Variants in PITRM1 observed in about 807,000 individuals in gnomAD.
PITRM1 encodes the protein presequence protease, mitochondrial.
PITRM1 carries 100 observed loss-of-function variants against 129.9 expected under a neutral mutation model. That is an observed-to-expected ratio of 0.77 (90% CI 0.65 to 0.91). The LOEUF is 0.91. PITRM1 is among the 40% of genes least tolerant of loss of function. PITRM1 has a pLI of 0.00. For synonymous variants in PITRM1, 591 were observed against 508.8 expected, an observed-to-expected ratio of 1.16 and a Z score of -2.17; for missense variants, 1,471 against 1,318.3, an observed-to-expected ratio of 1.12 and a Z score of -1.79.
chr10:3,159,319 G>A (rs1842245033), intron 9 of PITRM1, among the ~76,000 whole-genome samples: 1 of 152,222 alleles, frequency 6.6e-6, no homozygotes, highest in African/African-American at 2.4e-5. Context: ...CAGGCACTGT[G>A]GCAGCACCAT....
At chr10:3,163,933 C>A in intron 6 of PITRM1, 48 bp from the exon 7 acceptor site, 1 of 1,305,180 alleles carries the variant, frequency 7.7e-7, no homozygotes. Flanking sequence ...TAAAATAATA[C>A]ACACGTTACA....
Position 3,161,360 on chromosome 10 carries a change from T to A in PITRM1, c.792-1030A>T, listed in dbSNP as rs147083903. Among the ~76,000 whole-genome samples, 15 of 152,320 alleles carry A rather than the reference T, an allele frequency of 9.8e-5. No individual in the cohort carries two copies. The East Asian group carries it at 2.9e-3, about 29-fold the overall frequency. ...TCAAGGTTATACACGTTTATAAAGA[T>A]AACACATTTATTCAACCAGAGGAAA... On this transcript the variant is annotated intron_variant, in intron 7 of 26. Coordinates refer to ENST00000224949, the MANE Select transcript of PITRM1 (RefSeq NM_014889.4).
At chr10:3,162,339 G>A (rs1200019634) in intron 7 of PITRM1, among the ~76,000 whole-genome samples, 1 of 152,166 alleles carries the variant, frequency 6.6e-6, no homozygotes, top group Non-Finnish European at 1.5e-5. Flanking sequence ...CTTTGAAGAA[G>A]TCCAGCAAAC....
intron 4 of PITRM1, 115 bp downstream of exon 4, chr10:3,166,114 T>A (rs1779040309): frequency 2.3e-6 from 2 of 855,270 alleles, no homozygotes; most frequent in South Asian, 2.4e-5. Flanking sequence ...GAGGTAAAAA[T>A]TTTTCTAGAA....
At chr10:3,171,478 C>G (rs1312634316) in intron 1 of PITRM1, among the ~76,000 whole-genome samples, 1 of 152,146 alleles carries the variant, frequency 6.6e-6, no homozygotes, top group South Asian at 2.1e-4. Flanking sequence ...AGATCTCACT[C>G]TGTTGCCCAG....
At chr10:3,166,631 A>G (rs1842888875) in intron 3 of PITRM1, among the ~76,000 whole-genome samples, 1 of 152,220 alleles carries the variant, frequency 6.6e-6, no homozygotes, top group Non-Finnish European at 1.5e-5. Flanking sequence ...TAGTGAGATG[A>G]TATTTTAAAC....
At chr10:3,143,785 T>C (rs1475552803) in intron 22 of PITRM1, 2 of 651,122 alleles carry the variant, frequency 3.1e-6, no homozygotes, top group Admixed American at 2.1e-5. Context: ...ACTGTTCAAT[T>C]AAAAACATTT....
rs373184654 is a variant in PITRM1 at position 3,158,977 on chromosome 10, T to C, written c.1073A>G (p.Asn358Ser). 5.0e-5 allele frequency: 80 copies of C among 1,613,246 alleles called. No homozygotes were observed. In the Middle Eastern group the frequency reaches 6.6e-4, roughly 13 times the overall value. The change falls in exon 10 of 27, where the codon AAT (asparagine) becomes AGT (serine). Residue 358 changes from asparagine (N) to serine (S), a missense_variant. Transcript: ENST00000224949. The part of the protein sequence containing the change: ...LLSSLLTSGP[N>S]SPFYKALIES... ...AATCAAGGCTTTGTAAAAGGGAGAA[T>C]TGGGCCCAGAAGTCAAGAGTGAAGA...
At chr10:3,154,875 T>C (rs1323386673) in intron 14 of PITRM1, among the ~76,000 whole-genome samples, 2 of 152,120 alleles carry the variant, frequency 1.3e-5, no homozygotes, top group African/African-American at 4.8e-5. Flanking sequence ...CCGTCTCACT[T>C]TTCTTTTCAC....
At chr10:3,161,830 A>G (rs1842461583) in intron 7 of PITRM1, among the ~76,000 whole-genome samples, 1 of 146,150 alleles carries the variant, frequency 6.8e-6, no homozygotes, top group Admixed American at 7.0e-5. Context: ...GAGTGGTACT[A>G]AAAAACAAAA....
At position 3,169,994 on chromosome 10, in the gene PITRM1, A is replaced by G. The variant is rs202063456; in HGVS notation, c.159+110T>C. 5.0e-4 allele frequency: 355 copies of G among 708,676 alleles called. 4 individuals are homozygous for G. In the East Asian group the frequency reaches 8.2e-3, roughly 16 times the overall value. The allele number at this position is 708,676 out of a possible 1,614,324, so 43.9% of individuals were successfully genotyped here. A position where few individuals can be genotyped will look rare whatever the true frequency, so the allele number is the denominator to read the frequency against. ...GCAGGAGCTGGGCCAGGGCCTTGGG[A>G]CACAAGGACAAAAACGCTAGTCTCC... On this transcript the variant is annotated intron_variant, in intron 2 of 26. Transcript: ENST00000224949.
At chr10:3,147,362 G>A (rs184850618) in intron 19 of PITRM1, 112 bp from the exon 20 acceptor site, 25 of 986,248 alleles carry the variant, frequency 2.5e-5, no homozygotes, top group African/African-American at 9.6e-5. Flanking sequence ...TTATGTGTGC[G>A]AGTGCACGGC....
Position 3,147,615 on chromosome 10 carries a change from G to C in PITRM1, c.2192C>G (p.Thr731Arg), listed in dbSNP as rs79257157. 1 of 1,614,040 alleles carries C rather than the reference G, an allele frequency of 6.2e-7. No homozygotes were observed. The highest frequency in any genetic ancestry group is 8.5e-7 in the Non-Finnish European group (1 of 1,179,888). The change falls in exon 19 of 27, where the codon ACG becomes AGG. Residue 731 changes from threonine (T) to arginine (R), a missense_variant. Physicochemically the swap from Thr to Arg is moderately conservative, Grantham distance 71. Coordinates refer to ENST00000224949, the MANE Select transcript of PITRM1 (RefSeq NM_014889.4). ...GGTCTCCTGCAGGTCCCCTGCGGGC[G>C]TGAGGGTCCGGCCTGCCCTGATGGA... is the stretch of plus-strand genomic sequence containing the variant. ...YASIRAGRTL[T>R]PAGDLQETFS...
In PITRM1 at chr10:3,156,775, A is replaced by C. The variant is rs75360834; in HGVS notation, c.1482+155T>G. On this transcript the variant is annotated intron_variant, in intron 13 of 26. Coordinates refer to ENST00000224949, the MANE Select transcript of PITRM1 (RefSeq NM_014889.4). ...CAACTTGCATTACAATCTGGAAAAT[A>C]ATTAAGTTAATGTAAGCATTTAAAT... Among the ~76,000 whole-genome samples, 1,191 of 152,370 alleles carry C rather than the reference A, an allele frequency of 7.8e-3. 13 individuals carry two copies. Among genetic ancestry groups the C allele is most frequent in the Non-Finnish European group, 0.013 (915 of 68,036 alleles).
At chr10:3,157,923 A>G (rs1588688783) in intron 11 of PITRM1, 117 bp downstream of exon 11, 2 of 709,732 alleles carry the variant, frequency 2.8e-6, no homozygotes, top group African/African-American at 3.5e-5. Flanking sequence ...AATATGAACA[A>G]AAGCATGTTA....
chr10:3,166,460 G>T, intron 3 of PITRM1, 80 bp from the exon 4 acceptor site: 2 of 751,422 alleles, frequency 2.7e-6, no homozygotes, highest in Non-Finnish European at 2.1e-6. Context: ...CATCACCTCA[G>T]GCTACTAGAA....
At position 3,144,421 on chromosome 10, in the gene PITRM1, T is replaced by C. The variant is rs891874034; in HGVS notation, c.2458-55A>G. ...AAAAATCCAGAACTCACTTGAAATA[T>C]ATAAGAAGTAACAGAGTTTATAAAA... On this transcript the variant is annotated intron_variant, in intron 21 of 26. Transcript: ENST00000224949. 6.9e-6 allele frequency: 7 copies of C among 1,013,148 alleles called. No individual in the cohort carries two copies. In the Admixed American group the frequency reaches 1.3e-4, roughly 19 times the overall value. 62.8% of individuals were successfully genotyped at this position (1,013,148 alleles called of 1,614,324 possible). A position where few individuals can be genotyped will look rare whatever the true frequency, so the allele number is the denominator to read the frequency against.
At chr10:3,140,597 A>G in intron 24 of PITRM1, 90 bp downstream of exon 24, 1 of 1,207,560 alleles carries the variant, frequency 8.3e-7, no homozygotes, top group South Asian at 1.4e-5. Context: ...TCTAAAATTC[A>G]CTGCAGTAGA....
intron 24 of PITRM1, among the ~76,000 whole-genome samples, chr10:3,139,683 C>T (rs1363458158): frequency 6.6e-6 from 1 of 152,176 alleles, no homozygotes. Context: ...TATGCATCCA[C>T]GGGACAGGGT....
Sources: allele counts gnomAD v4.1 joint callset (sites outside exome capture counted in the v4.1 genomes callset), GRCh38; gene constraint gnomAD v4.1.1; transcripts MANE v1.5; gene names NCBI Gene and HGNC (gene_info 2026-07-23, HGNC 2026-07-21).